The following SNUPN variants were observed in gnomAD, a reference collection of about 807,000 sequenced individuals.
SNUPN encodes the protein snurportin 1, also known as snurportin-1.
Under a neutral mutation model 39.2 loss-of-function variants are expected in SNUPN, and 31 were observed. The observed-to-expected ratio is 0.79, with a 90% CI of 0.59 to 1.07. The LOEUF (loss-of-function observed/expected upper bound fraction) is 1.07. SNUPN is among the 50% of genes least tolerant of loss of function. The pLI is 0.00. For synonymous variants in SNUPN, 132 were observed against 159.0 expected (o/e 0.83, Z 1.28); for missense variants, 382 against 434.2 (o/e 0.88, Z 1.07).
At chr15:75,622,504 G>C in intron 1 of SNUPN, 1 of 984,818 alleles carries the variant, frequency 1.0e-6, no homozygotes, top group Non-Finnish European at 1.2e-6. Flanking sequence ...AAGAATGGGA[G>C]TGGGGAGAAA....
chr15:75,621,187 T>C, intron 1 of SNUPN, 131 bp from the exon 2 acceptor site: 2 of 791,666 alleles, frequency 2.5e-6, no homozygotes, highest in South Asian at 1.7e-5. Context: ...CACAAGTGTT[T>C]CCATGAGACA....
intron 3 of SNUPN, among the ~76,000 whole-genome samples, chr15:75,611,116 C>G (rs1892766966): frequency 6.6e-6 from 1 of 150,516 alleles, no homozygotes; most frequent in South Asian, 2.1e-4. Flanking sequence ...TGCAATAAGC[C>G]AAGATCACGC....
At position 75,617,538 on chromosome 15, in the gene SNUPN, T is replaced by TA; in HGVS notation, c.172dup (p.Tyr58LeufsTer10). 1 of 1,612,692 alleles carries TA rather than the reference T, an allele frequency of 6.2e-7. No homozygotes were observed. Among genetic ancestry groups the TA allele is most frequent in the Non-Finnish European group, 8.5e-7 (1 of 1,179,660 alleles). On this transcript the variant is annotated frameshift_variant, in exon 3 of 9. Transcript: ENST00000308588. LOFTEE classifies it high-confidence loss of function. ...AGCCAGTCTTCTGGCATGGTTCACA[T>TA]AATCCAGCCGCTTGCTGGAAGGAAA...
chr15:75,604,106 A>G lies in SNUPN; in HGVS notation c.678+1044T>C, dbSNP rs142529298. Reference sequence around the variant, plus strand: ...ACCTACATGATAATAACATCACTGAAAGTACTGATCATATTTATTCTCCTA... The same window carrying G: ...ACCTACATGATAATAACATCACTGAGAGTACTGATCATATTTATTCTCCTA... On this transcript the variant is annotated intron_variant, in intron 7 of 8. Coordinates refer to ENST00000308588, the MANE Select transcript of SNUPN (RefSeq NM_005701.4). 3.7e-4 allele frequency among the ~76,000 whole-genome samples: 56 copies of G among 152,110 alleles called. No individual in the cohort carries two copies. The East Asian group carries it at 9.1e-3, about 25-fold the overall frequency.
upstream of SNUPN, chr15:75,626,193 C>G (rs928299725): frequency 2.0e-5 from 3 of 152,418 alleles, no homozygotes; most frequent in Non-Finnish European, 4.4e-5. Flanking sequence ...GTTTCAGACA[C>G]AGACCTTCGC....
chr15:75,600,791 G>C (rs763235096), intron 8 of SNUPN: 14 of 229,996 alleles, frequency 6.1e-5, no homozygotes, highest in Non-Finnish European at 2.6e-5. Flanking sequence ...CAGGGACCTG[G>C]GTCTCAGCTT....
intron 2 of SNUPN, among the ~76,000 whole-genome samples, chr15:75,617,924 C>A (rs1023705056): frequency 6.6e-6 from 1 of 152,008 alleles, no homozygotes; most frequent in East Asian, 1.9e-4. Context: ...CCCTATAATG[C>A]GACACATTTA....
chr15:75,601,057 G>A (rs965962399), intron 8 of SNUPN, 81 bp downstream of exon 8: 42 of 1,024,136 alleles, frequency 4.1e-5, no homozygotes, highest in Non-Finnish European at 6.0e-5. Context: ...CACAATCAAG[G>A]AATATTTTAA....
intron 7 of SNUPN, among the ~76,000 whole-genome samples, chr15:75,603,522 G>T (rs1306226108): frequency 2.0e-5 from 3 of 151,240 alleles, no homozygotes; most frequent in Non-Finnish European, 4.4e-5. Context: ...TTAGCCGGTC[G>T]TGGTGGTGGG....
intron 3 of SNUPN, among the ~76,000 whole-genome samples, chr15:75,610,587 G>C (rs777625919): frequency 4.6e-5 from 7 of 151,812 alleles, no homozygotes; most frequent in Admixed American, 1.3e-4. Context: ...CTCACCTCCC[G>C]GGTCAGGGTG....
chr15:75,602,132 C>G (rs188293160), intron 7 of SNUPN, among the ~76,000 whole-genome samples: 2 of 152,022 alleles, frequency 1.3e-5, no homozygotes, highest in Non-Finnish European at 2.9e-5. Context: ...GACATGAACC[C>G]GGGAGGCGGA....
At chr15:75,622,389 T>C (rs776362301) in intron 1 of SNUPN, 13 of 985,360 alleles carry the variant, frequency 1.3e-5, no homozygotes, top group Non-Finnish European at 1.6e-5. Flanking sequence ...GTAACGTCAA[T>C]GCTCCAGTAG....
At chr15:75,600,456 G>A (rs545252135) in intron 8 of SNUPN, among the ~76,000 whole-genome samples, 2 of 152,048 alleles carry the variant, frequency 1.3e-5, no homozygotes, top group East Asian at 3.9e-4. Flanking sequence ...TGTATTTTTA[G>A]TAGAAACGAG....
chr15:75,603,814 C>T (rs2075310374), intron 7 of SNUPN, among the ~76,000 whole-genome samples: 1 of 152,122 alleles, frequency 6.6e-6, no homozygotes. Context: ...CCTTTTCACA[C>T]CTGCAAGGAT....
chr15:75,610,114 A>G lies in SNUPN; in HGVS notation c.304-120T>C. 7.7e-6 allele frequency: 6 copies of G among 775,178 alleles called. No homozygotes were observed. In the South Asian group the frequency reaches 9.4e-5, roughly 12 times the overall value. The allele number at this position is 775,178 out of a possible 1,614,324, so 48.0% of individuals were successfully genotyped here. On this transcript the variant is annotated intron_variant, in intron 3 of 8. Coordinates refer to ENST00000308588, the MANE Select transcript of SNUPN (RefSeq NM_005701.4). ...AACCTGAGTGAAAGAATGAGGGCAG[A>G]GAGCCGGGCACGGGGGCTCATGCTT...
chr15:75,603,384 G>A (rs949139704), intron 7 of SNUPN, among the ~76,000 whole-genome samples: 3 of 150,506 alleles, frequency 2.0e-5, no homozygotes, highest in Non-Finnish European at 3.0e-5. Context: ...TCACTGGGCC[G>A]GGTGCAGTGG....
chr15:75,605,178 CCTT>C lies in SNUPN; in HGVS notation c.647_649del (p.Glu216del). 11 of 1,613,376 alleles carry C rather than the reference CCTT, an allele frequency of 6.8e-6. No individual in the cohort carries two copies. The highest frequency in any genetic ancestry group is 9.3e-6 in the Non-Finnish European group (11 of 1,179,422). On this transcript the variant is annotated inframe_deletion, in exon 7 of 9. Coordinates refer to ENST00000308588, the MANE Select transcript of SNUPN (RefSeq NM_005701.4). ...ATTAAGCTTGGTTTTCTCTCCCAGT[CCTT>C]CTTCTTCTGGTAACTTTGAATGCAT...
chr15:75,616,792 T>G (rs1275726257), intron 3 of SNUPN, among the ~76,000 whole-genome samples: 2 of 152,222 alleles, frequency 1.3e-5, no homozygotes, highest in Non-Finnish European at 2.9e-5. Context: ...CATGTTGGTT[T>G]CCTCTCTGGA....
chr15:75,610,385 A>T (rs1892749111), intron 3 of SNUPN, among the ~76,000 whole-genome samples: 1 of 148,760 alleles, frequency 6.7e-6, no homozygotes, highest in African/African-American at 2.5e-5. Flanking sequence ...GGGCACCAAG[A>T]GCGAAACTCT....
Sources: allele counts gnomAD v4.1 joint callset (sites outside exome capture counted in the v4.1 genomes callset), GRCh38; gene constraint gnomAD v4.1.1; transcripts MANE v1.5; gene names NCBI Gene and HGNC (gene_info 2026-07-23, HGNC 2026-07-21).